The following ABCA13 variants were observed in gnomAD, a reference collection of about 807,000 sequenced individuals.
ABCA13 encodes ATP binding cassette subfamily A member 13.
Under a neutral mutation model 478.7 loss-of-function variants are expected in ABCA13, and 476 were observed. The observed-to-expected ratio is 0.99, with a 90% CI of 0.92 to 1.07. ABCA13 has a LOEUF of 1.07. ABCA13 is among the 50% of genes least tolerant of loss of function. The pLI is 0.00. For synonymous variants in ABCA13, 2,252 were observed against 2,158.9 expected (o/e 1.04, Z -1.20); for missense variants, 6,060 against 5,910.6 (o/e 1.03, Z -0.83).
intron 55 of ABCA13, among the ~76,000 whole-genome samples, chr7:48,572,306 T>C (rs1167578196): frequency 1.3e-5 from 2 of 152,120 alleles, no homozygotes; most frequent in South Asian, 2.1e-4. Context: ...TTTTGACTTT[T>C]ATTTATTTAT....
intron 1 of ABCA13, among the ~76,000 whole-genome samples, chr7:48,189,630 CTA>C (rs1235664765): frequency 6.6e-6 from 1 of 152,126 alleles, no homozygotes; most frequent in Non-Finnish European, 1.5e-5. Flanking sequence ...TCATTTGAAA[CTA>C]GAGATCGGAT....
intron 50 of ABCA13, among the ~76,000 whole-genome samples, chr7:48,509,078 A>G (rs1235337780): frequency 6.6e-6 from 1 of 152,176 alleles, no homozygotes; most frequent in African/African-American, 2.4e-5. Flanking sequence ...CCAAGGGCCT[A>G]TCCTTCGAGA....
rs1337888492 is a variant in ABCA13 at position 48,626,280 on chromosome 7, T to G, written c.14837+10903T>G. On this transcript the variant is annotated intron_variant, in intron 59 of 61. Transcript: ENST00000435803. The stretch of plus-strand genomic sequence containing the variant: ...GAGGAAGAATGCACACACATTGTTT[T>G]AGGGGAAGGATTGGCACAGGTAGTT... 5.3e-5 allele frequency among the ~76,000 whole-genome samples: 8 copies of G among 152,294 alleles called. No individual in the cohort carries two copies. The East Asian group carries it at 1.5e-3, about 29-fold the overall frequency.
chr7:48,553,216 A>G (rs1449050999), intron 55 of ABCA13, among the ~76,000 whole-genome samples: 1 of 152,072 alleles, frequency 6.6e-6, no homozygotes, highest in African/African-American at 2.4e-5. Context: ...TCATCTGCTG[A>G]TGGACACTTA....
intron 5 of ABCA13, among the ~76,000 whole-genome samples, chr7:48,223,321 C>T (rs535683780): frequency 6.6e-6 from 1 of 152,166 alleles, no homozygotes; most frequent in South Asian, 2.1e-4. Context: ...CTGGATATAT[C>T]AATTTAGAAA....
At chr7:48,297,355 T>A in intron 22 of ABCA13, 44 bp downstream of exon 22, 4 of 1,496,500 alleles carry the variant, frequency 2.7e-6, no homozygotes, top group Non-Finnish European at 3.6e-6. Flanking sequence ...AAAATTAAAT[T>A]TAGTTTCTCA....
intron 45 of ABCA13, among the ~76,000 whole-genome samples, 195 bp downstream of exon 45, chr7:48,471,794 C>T (rs374788791): frequency 3.9e-5 from 6 of 152,180 alleles, no homozygotes; most frequent in Admixed American, 1.3e-4. Flanking sequence ...TATAGATTGA[C>T]AGTGCCCCTC....
intron 3 of ABCA13, among the ~76,000 whole-genome samples, chr7:48,203,117 TG>T (rs930084677): frequency 6.6e-6 from 1 of 152,190 alleles, no homozygotes; most frequent in Non-Finnish European, 1.5e-5. Flanking sequence ...CCGGCACTGC[TG>T]GGGAACCCAG....
chr7:48,570,319 C>CTTTTTTTTTTT (rs35693419), intron 55 of ABCA13, among the ~76,000 whole-genome samples: 6 of 88,216 alleles, frequency 6.8e-5, no homozygotes, highest in Non-Finnish European at 6.2e-5. Context: ...TTTGCATCCT[C>CTTTTTTTTTTT]TTTTTTTTTT....
chr7:48,561,682 G>C (rs1203013557), intron 55 of ABCA13, among the ~76,000 whole-genome samples: 2 of 152,048 alleles, frequency 1.3e-5, no homozygotes, highest in Admixed American at 1.3e-4. Context: ...CCAATCCATA[G>C]ATTGTCTCTT....
At chr7:48,496,968 G>T (rs1475513803) in intron 48 of ABCA13, among the ~76,000 whole-genome samples, 1 of 149,118 alleles carries the variant, frequency 6.7e-6, no homozygotes, top group Non-Finnish European at 1.5e-5. Flanking sequence ...TAGGTTTATG[G>T]TTTTTTTTTG....
chr7:48,516,642 A>G, intron 51 of ABCA13, 83 bp from the exon 52 acceptor site: 2 of 1,386,394 alleles, frequency 1.4e-6, no homozygotes, highest in African/African-American at 2.9e-5. Context: ...ATTCACCCCA[A>G]GGTCTTAGAA....
chr7:48,194,352 G>A (rs543121291), intron 2 of ABCA13, among the ~76,000 whole-genome samples: 22 of 151,144 alleles, frequency 1.5e-4, no homozygotes, highest in African/African-American at 5.1e-4. Flanking sequence ...TAATGATTAC[G>A]ATGGAGATGA....
At chr7:48,246,600 CTT>C (rs10712726) in intron 13 of ABCA13, among the ~76,000 whole-genome samples, 3 of 151,304 alleles carry the variant, frequency 2.0e-5, no homozygotes, top group African/African-American at 4.8e-5. Context: ...TCAGTATTAC[CTT>C]TTTTTTTTAT....
chr7:48,391,816 A>T lies in ABCA13; in HGVS notation c.11655-105A>T, dbSNP rs909946250. On this transcript the variant is annotated intron_variant, in intron 37 of 61. Transcript: ENST00000435803. ...GTAAAAACCAGGTCAGCAGAAGGTG[A>T]GTGCTCTTGGCAGGATGCATGCGCC... The T allele has an allele frequency of 2.8e-5, 30 of 1,054,018 alleles. No homozygotes were observed. The African/African-American group carries it at 3.8e-4, about 13-fold the overall frequency. 65.3% of individuals were successfully genotyped at this position (1,054,018 alleles called of 1,614,324 possible). A position where few individuals can be genotyped will look rare whatever the true frequency, so the allele number is the denominator to read the frequency against.
intron 29 of ABCA13, among the ~76,000 whole-genome samples, chr7:48,345,328 C>T (rs1446986112): frequency 2.0e-5 from 3 of 152,160 alleles, no homozygotes; most frequent in Admixed American, 6.5e-5. Flanking sequence ...AAAGCAGCCT[C>T]AAGTAGGTCC....
rs1471670812 is a variant in ABCA13, at chr7:48,414,594, A to T, written c.12459+2011A>T. On this transcript the variant is annotated intron_variant, in intron 41 of 61. Transcript: ENST00000435803. ...TATACATATGTAACATATAATATAC[A>T]TACATATACATATATTACATGTAAT... 2.0e-5 allele frequency among the ~76,000 whole-genome samples: 3 copies of T among 150,132 alleles called. No individual in the cohort carries two copies. In the South Asian group the frequency reaches 6.3e-4, roughly 31 times the overall value.
chr7:48,607,796 G>T (rs1303856077), intron 58 of ABCA13, among the ~76,000 whole-genome samples: 5 of 152,120 alleles, frequency 3.3e-5, no homozygotes, highest in East Asian at 3.9e-4. Flanking sequence ...TGTTTATTTT[G>T]TGTTTGTGTC....
chr7:48,403,203 A>G (rs1462892409), intron 38 of ABCA13, among the ~76,000 whole-genome samples: 3 of 152,242 alleles, frequency 2.0e-5, no homozygotes, highest in African/African-American at 4.8e-5. Flanking sequence ...GAACATCTGC[A>G]TTAATCAGGA....
Sources: gnomAD v4.1 joint callset for allele counts (sites outside exome capture counted in the v4.1 genomes callset) on GRCh38, gnomAD v4.1.1 for gene constraint, MANE v1.5 for transcripts, NCBI Gene and HGNC (gene_info 2026-07-23, HGNC 2026-07-21) for gene names.